Variants in WWC2 observed in about 807,000 individuals in gnomAD.
WWC2 encodes the protein protein WWC2.
Under a neutral mutation model 138.5 loss-of-function variants are expected in WWC2, and 101 were observed. The observed-to-expected ratio is 0.73, with a 90% CI of 0.62 to 0.86. WWC2 has a LOEUF of 0.86. Among genes scored for constraint, WWC2 ranks in the 40% least tolerant of loss-of-function variants. The probability of loss-of-function intolerance (pLI) is 0.00; values close to 1 mark genes in which losing one functional copy is unlikely to be tolerated. For synonymous variants in WWC2, 558 were observed against 538.4 expected, an observed-to-expected ratio of 1.04 and a Z score of -0.50; for missense variants, 1,420 against 1,419.4, an observed-to-expected ratio of 1.00 and a Z score of -0.01.
chr4:183,121,239 TAATTA>T (rs375218823), intron 1 of WWC2, among the ~76,000 whole-genome samples: 200 of 150,742 alleles, frequency 1.3e-3, no homozygotes, highest in African/African-American at 4.7e-3. Flanking sequence ...TGGAGGAAAA[TAATTA>T]AATTGTTGAC....
chr4:183,289,362 G>T, intron 20 of WWC2, 31 bp from the exon 21 acceptor site: 3 of 1,600,528 alleles, frequency 1.9e-6, no homozygotes, highest in Non-Finnish European at 2.6e-6. Flanking sequence ...GTATAACCAG[G>T]GTGTTCGTCA....
At chr4:183,110,406 T>A (rs1049835541) in intron 1 of WWC2, among the ~76,000 whole-genome samples, 6 of 151,944 alleles carry the variant, frequency 3.9e-5, no homozygotes, top group Non-Finnish European at 7.4e-5. Context: ...CTTTGAAGCA[T>A]GTCCCAAAGA....
chr4:183,261,030 CT>C lies in WWC2; in HGVS notation c.1408del (p.Tyr470IlefsTer9). ...TCAACTCCCTCAGTTCCACCGAACT[CT>C]ATTACAGCAGTCAAAGTGATCAGAT... ...SLNSLSSTEL[Y>X]YSSQSDQIDV... On this transcript the variant is annotated frameshift_variant, in exon 11 of 23. Coordinates refer to ENST00000403733, the MANE Select transcript of WWC2 (RefSeq NM_024949.6). LOFTEE classifies it high-confidence loss of function. 6.2e-7 allele frequency: 1 copy of C among 1,614,036 alleles called. No individual in the cohort carries two copies. The highest frequency in any genetic ancestry group is 8.5e-7 in the Non-Finnish European group (1 of 1,179,896).
chr4:183,258,964 C>T (rs1365334009), intron 9 of WWC2, among the ~76,000 whole-genome samples: 1 of 130,418 alleles, frequency 7.7e-6, no homozygotes, highest in Non-Finnish European at 1.7e-5. Flanking sequence ...TAATGCTGTA[C>T]TCTTAAAAAA....
chr4:183,209,646 G>T (rs952516322), intron 4 of WWC2, among the ~76,000 whole-genome samples: 3 of 152,186 alleles, frequency 2.0e-5, no homozygotes, highest in African/African-American at 7.2e-5. Flanking sequence ...AAGCCAAGTT[G>T]CTGTTTTGTC....
chr4:183,257,018 C>G (rs866442859), intron 9 of WWC2, among the ~76,000 whole-genome samples: 3 of 151,566 alleles, frequency 2.0e-5, no homozygotes, highest in Non-Finnish European at 4.4e-5. Context: ...ATTGCCAGGC[C>G]TAAAGAGAAA....
chr4:183,099,750 G>A, intron 1 of WWC2, 128 bp downstream of exon 1: 1 of 986,674 alleles, frequency 1.0e-6, no homozygotes, highest in Admixed American at 5.1e-5. Flanking sequence ...AGGGATGTGG[G>A]GCTGGCTGCT....
At chr4:183,269,806 A>G (rs1179284862) in intron 15 of WWC2, 1 of 207,534 alleles carries the variant, frequency 4.8e-6, no homozygotes, top group African/African-American at 2.3e-5. Flanking sequence ...TTAAAGCAAT[A>G]TGACATTTAA....
chr4:183,284,427 G>A (rs780217465), intron 19 of WWC2, 37 bp downstream of exon 19: 8 of 1,597,912 alleles, frequency 5.0e-6, no homozygotes, highest in Non-Finnish European at 6.8e-6. Flanking sequence ...CGCTGGGACT[G>A]CAGCTTCTTC....
chr4:183,302,710 A>G (rs760047086), intron 21 of WWC2, among the ~76,000 whole-genome samples: 14 of 152,128 alleles, frequency 9.2e-5, no homozygotes, highest in Non-Finnish European at 1.8e-4. Flanking sequence ...ACAGAAGCCA[A>G]CTCACATATT....
Position 183,154,020 on chromosome 4 carries a change from A to AC in WWC2, c.132-39579_132-39578insC, listed in dbSNP as rs1433595427. 1.3e-5 allele frequency among the ~76,000 whole-genome samples: 2 copies of AC among 151,736 alleles called. 1 individual carries two copies. Among genetic ancestry groups the AC allele is most frequent in the African/African-American group, 4.8e-5 (2 of 41,340 alleles). On this transcript the variant is annotated intron_variant, in intron 1 of 22. Coordinates refer to ENST00000403733, the MANE Select transcript of WWC2 (RefSeq NM_024949.6). ...TAAAAAGCAAAAAAAAAAAAAAAAAAAAAAAAAACCCCAAATCTAATTCAT... is the reference window on the plus strand; with the variant it reads ...TAAAAAGCAAAAAAAAAAAAAAAAAACAAAAAAAACCCCAAATCTAATTCAT...
In WWC2 at chr4:183,316,131, G is replaced by A. The variant is rs891124921; in HGVS notation, c.*402G>A. ...TGTGTTCCTGTGAGTAGGCTGTGCC[G>A]ATGGCAGCAGCGCCACGTGGTATCT... On this transcript the variant is annotated 3_prime_UTR_variant, in exon 23 of 23. Transcript: ENST00000403733. 3 of 182,456 alleles carry A rather than the reference G, an allele frequency of 1.6e-5. No homozygotes were observed. The highest frequency in any genetic ancestry group is 4.8e-5 in the African/African-American group (2 of 41,978). The allele number at this position is 182,456 out of a possible 1,614,324, so 11.3% of individuals were successfully genotyped here. A position where few individuals can be genotyped will look rare whatever the true frequency, so the allele number is the denominator to read the frequency against.
chr4:183,105,943 T>C (rs1743342184), intron 1 of WWC2, among the ~76,000 whole-genome samples: 1 of 151,858 alleles, frequency 6.6e-6, no homozygotes, highest in African/African-American at 2.4e-5. Flanking sequence ...AAACTCCTGT[T>C]ACTGAAAAAG....
chr4:183,298,283 C>T (rs943226261), intron 21 of WWC2, among the ~76,000 whole-genome samples: 5 of 152,098 alleles, frequency 3.3e-5, no homozygotes, highest in Non-Finnish European at 5.9e-5. Flanking sequence ...TTGGGGATGC[C>T]GGTAACAGTT....
intron 16 of WWC2, among the ~76,000 whole-genome samples, chr4:183,278,220 T>C (rs1010152250): frequency 9.2e-5 from 14 of 152,076 alleles, no homozygotes; most frequent in African/African-American, 3.4e-4. Flanking sequence ...CCCAGCACCA[T>C]TTATTAAATA....
rs536062421 is a variant in WWC2, at chr4:183,099,565, A to G, written c.74A>G (p.Lys25Arg). ...GAGGAGGCCAGGGACTACGACGGCA[A>G]GGTCTTCTACATTGACCACAACACC... is the stretch of plus-strand genomic sequence containing the variant. ...GWEEARDYDG[K>R]VFYIDHNTRR... The change falls in exon 1 of 23, where the codon AAG (lysine) becomes AGG (arginine). Residue 25 changes from lysine (K) to arginine (R), a missense_variant. Physicochemically the swap from Lys to Arg is conservative, Grantham distance 26 (BLOSUM62 2). Coordinates refer to ENST00000403733, the MANE Select transcript of WWC2 (RefSeq NM_024949.6). The G allele has an allele frequency of 2.1e-6, 3 of 1,423,082 alleles. No homozygotes were observed. Among genetic ancestry groups the G allele is most frequent in the African/African-American group, 1.5e-5 (1 of 67,314 alleles). 88.2% of individuals were successfully genotyped at this position (1,423,082 alleles called of 1,614,324 possible). A position where few individuals can be genotyped will look rare whatever the true frequency, so the allele number is the denominator to read the frequency against.
chr4:183,292,679 A>G (rs1487317155), intron 21 of WWC2, among the ~76,000 whole-genome samples: 1 of 152,216 alleles, frequency 6.6e-6, no homozygotes. Context: ...TGCTTTGTAC[A>G]AATTCTGCCA....
At chr4:183,309,723 G>A (rs912997717) in intron 21 of WWC2, among the ~76,000 whole-genome samples, 1 of 152,178 alleles carries the variant, frequency 6.6e-6, no homozygotes, top group African/African-American at 2.4e-5. Context: ...GTGCTCCTTG[G>A]TATGAGTTGA....
At chr4:183,301,224 C>G (rs2111100729) in intron 21 of WWC2, among the ~76,000 whole-genome samples, 1 of 152,092 alleles carries the variant, frequency 6.6e-6, no homozygotes, top group African/African-American at 2.4e-5. Context: ...AGTTCCTTAT[C>G]TGGGACCTAA....
Sources: gnomAD v4.1 joint callset for allele counts (sites outside exome capture counted in the v4.1 genomes callset) on GRCh38, gnomAD v4.1.1 for gene constraint, MANE v1.5 for transcripts, NCBI Gene and HGNC (gene_info 2026-07-23, HGNC 2026-07-21) for gene names.